ZEB1: variants seen among roughly 807,000 people sequenced by gnomAD.
The protein encoded by ZEB1 is zinc finger E-box binding homeobox 1.
In ZEB1, 21 loss-of-function variants were observed where a neutral mutation model predicts 84.9. The observed-to-expected ratio is 0.25, with a 90% CI of 0.18 to 0.36. The LOEUF (loss-of-function observed/expected upper bound fraction) is 0.36, where lower values mean the gene tolerates loss of function less well. Ranked by LOEUF, ZEB1 falls within the 10% of genes least tolerant of loss-of-function variation. The pLI, the probability that ZEB1 is intolerant of heterozygous loss-of-function variation, is 1.00. For synonymous variants in ZEB1, 420 were observed against 471.1 expected, an observed-to-expected ratio of 0.89 and a Z score of 1.41; for missense variants, 1,104 against 1,330.2, an observed-to-expected ratio of 0.83 and a Z score of 2.65.
chr10:31,489,651 G>A (rs2066234749), intron 2 of ZEB1, among the ~76,000 whole-genome samples: 1 of 150,972 alleles, frequency 6.6e-6, no homozygotes, highest in African/African-American at 2.4e-5. Context: ...TTCTTTTAGT[G>A]GTTGCTCTAT....
At chr10:31,437,098 CAAAG>C (rs1237442767) in intron 1 of ZEB1, among the ~76,000 whole-genome samples, 9 of 152,104 alleles carry the variant, frequency 5.9e-5, no homozygotes, top group African/African-American at 2.2e-4. Flanking sequence ...TTTTAAATAA[CAAAG>C]AAACAAAATA....
At chr10:31,436,943 T>C (rs1421113010) in intron 1 of ZEB1, among the ~76,000 whole-genome samples, 1 of 152,202 alleles carries the variant, frequency 6.6e-6, no homozygotes, top group Non-Finnish European at 1.5e-5. Context: ...GATCTTCTGC[T>C]TTATTGGATA....
intron 1 of ZEB1, chr10:31,319,834 C>A (rs2033285433): frequency 6.7e-6 from 1 of 148,342 alleles, no homozygotes; most frequent in African/African-American, 2.4e-5. Context: ...CCCCGGCCGG[C>A]GCCGTCGCTG....
At chr10:31,441,535 A>G (rs2058986940) in intron 1 of ZEB1, among the ~76,000 whole-genome samples, 1 of 152,242 alleles carries the variant, frequency 6.6e-6, no homozygotes, top group Non-Finnish European at 1.5e-5. Flanking sequence ...AGCAATGGCA[A>G]CAAAAGCCAA....
intron 1 of ZEB1, among the ~76,000 whole-genome samples, chr10:31,400,522 A>C (rs1440122169): frequency 6.6e-6 from 1 of 152,140 alleles, no homozygotes; most frequent in Non-Finnish European, 1.5e-5. Context: ...CTAAAAAAAA[A>C]TATTATTTGA....
chr10:31,355,874 G>T (rs1016638885), intron 1 of ZEB1, among the ~76,000 whole-genome samples: 8 of 152,090 alleles, frequency 5.3e-5, no homozygotes, highest in African/African-American at 1.4e-4. Context: ...TAAGCATCGG[G>T]GTATGCCATG....
chr10:31,520,439 C>T lies in ZEB1; in HGVS notation c.1107C>T (p.Thr369=). The change falls in exon 7 of 9, where the codon ACC becomes ACT. Residue 369 remains threonine (T), a synonymous_variant. Coordinates refer to ENST00000424869, the MANE Select transcript of ZEB1 (RefSeq NM_001174096.2). The surrounding 1 kb of genome is among the most constrained non-coding windows in gnomAD (Gnocchi z 5.1). ...IVVASGINCS[T]PLQNGVFTGG... ...TTGCTTCAGGAATCAACTGTTCAAC[C>T]CCTTTACAAAATGGGGTTTTCACTG... The T allele has an allele frequency of 1.2e-6, 2 of 1,613,960 alleles. No homozygotes were observed.
At chr10:31,368,275 C>T (rs2044949488) in intron 1 of ZEB1, among the ~76,000 whole-genome samples, 2 of 152,110 alleles carry the variant, frequency 1.3e-5, no homozygotes, top group Non-Finnish European at 2.9e-5. Context: ...CCACTTCAGC[C>T]TCCCAAGTTA....
intron 2 of ZEB1, among the ~76,000 whole-genome samples, chr10:31,471,919 A>T (rs547105539): frequency 7.1e-6 from 1 of 141,558 alleles, no homozygotes; most frequent in Non-Finnish European, 1.5e-5. Context: ...ACTCAAAACC[A>T]CTCAACTACA....
intron 2 of ZEB1, among the ~76,000 whole-genome samples, chr10:31,474,786 C>T (rs1025499571): frequency 3.3e-5 from 5 of 152,002 alleles, no homozygotes; most frequent in African/African-American, 9.7e-5. Flanking sequence ...GCACTATTCA[C>T]AATAGCAAAG....
At position 31,500,716 on chromosome 10, in the gene ZEB1, CA is replaced by C. The variant is rs138456806; in HGVS notation, c.323-1630del. Among the ~76,000 whole-genome samples, 1,218 of 152,110 alleles carry C rather than the reference CA, an allele frequency of 8.0e-3. 13 individuals are homozygous for C. Among genetic ancestry groups the C allele is most frequent in the African/African-American group, 0.028 (1,164 of 41,490 alleles). On this transcript the variant is annotated intron_variant, in intron 3 of 8. Transcript: ENST00000424869. ...TTTTTTTCTTTTAAGAAAGTGAGAA[CA>C]AGGTATACTGTATAAAGGAGAGCAG...
At chr10:31,481,456 G>C (rs2065030205) in intron 2 of ZEB1, among the ~76,000 whole-genome samples, 1 of 151,838 alleles carries the variant, frequency 6.6e-6, no homozygotes, top group Non-Finnish European at 1.5e-5. Context: ...CTATATCTAG[G>C]GCAGGGAAAA....
At chr10:31,449,070 G>C (rs998494772) in intron 1 of ZEB1, among the ~76,000 whole-genome samples, 1 of 152,232 alleles carries the variant, frequency 6.6e-6, no homozygotes, top group Non-Finnish European at 1.5e-5. Context: ...GCGAGACTCC[G>C]TGGGCGTAGG....
At chr10:31,366,897 T>C (rs963001962) in intron 1 of ZEB1, among the ~76,000 whole-genome samples, 1 of 152,180 alleles carries the variant, frequency 6.6e-6, no homozygotes, top group African/African-American at 2.4e-5. Context: ...CAGGAAAGTT[T>C]AATGTCTTAT....
At chr10:31,453,148 A>G (rs1400326546) in intron 1 of ZEB1, among the ~76,000 whole-genome samples, 2 of 152,180 alleles carry the variant, frequency 1.3e-5, no homozygotes, top group Non-Finnish European at 2.9e-5. Context: ...TGAGTGGGAT[A>G]TAGTTAAGCA....
chr10:31,510,659 T>G lies in ZEB1; in HGVS notation c.485-14T>G, dbSNP rs375130384. The stretch of plus-strand genomic sequence containing the variant: ...AATGTTTTAAATTTAAAATATATGA[T>G]CTTTCTTTTACAGGAACACCAGATG... On this transcript the variant is annotated splice_polypyrimidine_tract_variant and intron_variant, in intron 4 of 8. Coordinates refer to ENST00000424869, the MANE Select transcript of ZEB1 (RefSeq NM_001174096.2). 8.6e-5 allele frequency: 138 copies of G among 1,605,858 alleles called. No homozygotes were observed. The highest frequency in any genetic ancestry group is 1.1e-4 in the Non-Finnish European group (132 of 1,173,700).
At chr10:31,450,423 T>A (rs1310269660) in intron 1 of ZEB1, among the ~76,000 whole-genome samples, 2 of 152,094 alleles carry the variant, frequency 1.3e-5, no homozygotes, top group African/African-American at 4.8e-5. Flanking sequence ...GATTTTTTTC[T>A]TTTAAATTTG....
At chr10:31,457,351 A>T (rs561628647) in intron 1 of ZEB1, among the ~76,000 whole-genome samples, 6 of 152,286 alleles carry the variant, frequency 3.9e-5, no homozygotes, top group Non-Finnish European at 8.8e-5. Flanking sequence ...ATAGATTCAG[A>T]AATACAAGTA....
intron 1 of ZEB1, among the ~76,000 whole-genome samples, chr10:31,380,524 T>A (rs570331485): frequency 1.2e-4 from 18 of 152,286 alleles, no homozygotes; most frequent in Admixed American, 8.5e-4. Context: ...TTTCTACCAA[T>A]CTTTCCTCCC....
Sources: allele counts gnomAD v4.1 joint callset (sites outside exome capture counted in the v4.1 genomes callset), GRCh38; gene constraint gnomAD v4.1.1; non-coding constraint Gnocchi (gnomAD v3.1); transcripts MANE v1.5; gene names NCBI Gene and HGNC (gene_info 2026-07-23, HGNC 2026-07-21).